The following METTL24 variants were observed in gnomAD, a reference collection of about 807,000 sequenced individuals.
METTL24 encodes the protein probable methyltransferase-like protein 24.
METTL24 carries 29 observed loss-of-function variants against 32.7 expected under a neutral mutation model. That is an observed-to-expected ratio of 0.89 (90% CI 0.66 to 1.21). The LOEUF (loss-of-function observed/expected upper bound fraction) is 1.21. Ranked by LOEUF, METTL24 falls within the 50% of genes most tolerant of loss-of-function variation. METTL24 has a pLI of 0.00. For synonymous variants in METTL24, 163 were observed against 179.5 expected (o/e 0.91, Z 0.73); for missense variants, 439 against 468.1 (o/e 0.94, Z 0.57).
At chr6:110,250,802 C>T (rs1351911587) in intron 4 of METTL24, among the ~76,000 whole-genome samples, 4 of 152,190 alleles carry the variant, frequency 2.6e-5, no homozygotes, top group Admixed American at 2.0e-4. Context: ...AAACCACCAT[C>T]GTGAAACCCC....
At chr6:110,248,123 G>A (rs769353745) in intron 4 of METTL24, among the ~76,000 whole-genome samples, 7 of 151,966 alleles carry the variant, frequency 4.6e-5, no homozygotes, top group African/African-American at 7.3e-5. Context: ...GCACCTCTTC[G>A]CCTTCCACCA....
Position 110,314,870 on chromosome 6 carries a change from G to T in METTL24, c.557+472C>A, listed in dbSNP as rs548158507. 2.6e-3 allele frequency among the ~76,000 whole-genome samples: 396 copies of T among 152,236 alleles called. 1 individual carries two copies. The highest frequency in any genetic ancestry group is 3.5e-3 in the Non-Finnish European group (240 of 68,006). The stretch of plus-strand genomic sequence containing the variant: ...TCCCAGCTACTTGGGAGGCTGTGGT[G>T]GGAAGATCACTGGAGCCTGAGAGGC... On this transcript the variant is annotated intron_variant, in intron 3 of 4. Coordinates refer to ENST00000338882, the MANE Select transcript of METTL24 (RefSeq NM_001123364.3).
intron 2 of METTL24, 143 bp downstream of exon 2, chr6:110,322,631 T>C (rs945313839): frequency 1.7e-6 from 1 of 588,002 alleles, no homozygotes; most frequent in Non-Finnish European, 3.0e-6. Context: ...AGTGGATGAG[T>C]TTAAGCAACA....
intron 3 of METTL24, among the ~76,000 whole-genome samples, chr6:110,303,909 A>T (rs1230537401): frequency 6.6e-6 from 1 of 152,166 alleles, no homozygotes. Flanking sequence ...CACCTCATAC[A>T]GGAGAGCTCC....
rs1772730695 is a variant in METTL24 at position 110,357,934 on chromosome 6, AC to A, written c.318+20del. ...GGGGGCTTCTGGTCCCAGGCCCAAG[AC>A]CGACCGCTTTGCAACTGACCTTCCG... On this transcript the variant is annotated intron_variant, in intron 1 of 4. Coordinates refer to ENST00000338882, the MANE Select transcript of METTL24 (RefSeq NM_001123364.3). The A allele has an allele frequency of 8.3e-7, 1 of 1,204,132 alleles. No individual in the cohort carries two copies. Among genetic ancestry groups the A allele is most frequent in the African/African-American group, 1.6e-5 (1 of 63,364 alleles). 74.6% of individuals were successfully genotyped at this position (1,204,132 alleles called of 1,614,324 possible).
intron 4 of METTL24, among the ~76,000 whole-genome samples, chr6:110,283,626 G>A (rs1771174077): frequency 1.3e-5 from 2 of 152,156 alleles, no homozygotes; most frequent in African/African-American, 4.8e-5. Context: ...GCTGAGACCA[G>A]CTTTCTCTAT....
intron 4 of METTL24, among the ~76,000 whole-genome samples, chr6:110,295,505 C>T (rs1771396841): frequency 6.6e-6 from 1 of 152,200 alleles, no homozygotes; most frequent in Non-Finnish European, 1.5e-5. Context: ...GACCAGAGGG[C>T]CCCAGCCCCA....
Position 110,315,493 on chromosome 6 carries a change from G to T in METTL24, c.418-12C>A. On this transcript the variant is annotated splice_polypyrimidine_tract_variant and intron_variant, in intron 2 of 4. Coordinates refer to ENST00000338882, the MANE Select transcript of METTL24 (RefSeq NM_001123364.3). ...TGATTGCATGCAATCTGTAAAGATT[G>T]GAAATCAATGTGAATAATTTGAAAT... The T allele has an allele frequency of 6.2e-7, 1 of 1,612,566 alleles. No individual in the cohort carries two copies. Among genetic ancestry groups the T allele is most frequent in the Non-Finnish European group, 8.5e-7 (1 of 1,179,340 alleles).
intron 1 of METTL24, among the ~76,000 whole-genome samples, chr6:110,344,530 T>TA (rs1772430073): frequency 6.6e-6 from 1 of 152,182 alleles, no homozygotes; most frequent in Non-Finnish European, 1.5e-5. Context: ...TTCTACAACT[T>TA]TTATTGATGA....
intron 4 of METTL24, among the ~76,000 whole-genome samples, chr6:110,264,364 T>C (rs1013868852): frequency 1.3e-5 from 2 of 151,960 alleles, no homozygotes; most frequent in African/African-American, 4.8e-5. Flanking sequence ...AAAAGACACA[T>C]GAAAAAATGC....
At position 110,315,484 on chromosome 6, in the gene METTL24, GT is replaced by G; in HGVS notation, c.418-4del. The G allele has an allele frequency of 4.3e-6, 7 of 1,613,354 alleles. No individual in the cohort carries two copies. Among genetic ancestry groups the G allele is most frequent in the African/African-American group, 2.7e-5 (2 of 75,016 alleles). Reference sequence around the variant, plus strand: ...GTATTCATGTGATTGCATGCAATCTGTAAAGATTGGAAATCAATGTGAATAA... The same window carrying G: ...GTATTCATGTGATTGCATGCAATCTGAAAGATTGGAAATCAATGTGAATAA... On this transcript the variant is annotated splice_region_variant and splice_polypyrimidine_tract_variant and intron_variant, in intron 2 of 4. Transcript: ENST00000338882.
intron 3 of METTL24, among the ~76,000 whole-genome samples, chr6:110,301,327 G>C (rs775252433): frequency 1.3e-5 from 2 of 152,178 alleles, no homozygotes; most frequent in Non-Finnish European, 2.9e-5. Context: ...TGGTGTGGCA[G>C]ATTGACTTGT....
At position 110,245,389 on chromosome 6, in the gene METTL24, C is replaced by T. The variant is rs1056555805; in HGVS notation, c.*557G>A. On this transcript the variant is annotated 3_prime_UTR_variant, in exon 5 of 5. Coordinates refer to ENST00000338882, the MANE Select transcript of METTL24 (RefSeq NM_001123364.3). ...TTTAACTCAGTGACAGAATTTGGTG[C>T]ATCCGAGTTCCCAGAAATCAGAAGT... is the stretch of plus-strand genomic sequence containing the variant. Among the ~76,000 whole-genome samples, 5 of 152,144 alleles carry T rather than the reference C, an allele frequency of 3.3e-5. No individual in the cohort carries two copies. Among genetic ancestry groups the T allele is most frequent in the African/African-American group, 1.2e-4 (5 of 41,432 alleles).
chr6:110,321,982 C>A (rs1001086631), intron 2 of METTL24, among the ~76,000 whole-genome samples: 5 of 152,184 alleles, frequency 3.3e-5, no homozygotes, highest in Non-Finnish European at 7.3e-5. Flanking sequence ...GGCCTCTGTG[C>A]AGCTCACAGG....
intron 1 of METTL24, among the ~76,000 whole-genome samples, chr6:110,341,924 C>T (rs946393872): frequency 1.2e-4 from 18 of 152,264 alleles, no homozygotes; most frequent in East Asian, 5.8e-4. Context: ...CCCTTTTTAA[C>T]GCAAAAGCCC....
At chr6:110,349,514 C>T (rs955045517) in intron 1 of METTL24, among the ~76,000 whole-genome samples, 2 of 152,182 alleles carry the variant, frequency 1.3e-5, no homozygotes, top group Non-Finnish European at 1.5e-5. Flanking sequence ...TTTGTGACCA[C>T]AGCATAAACT....
rs147333444 is a variant in METTL24, at chr6:110,273,096, A to T, written c.786+25826T>A. On this transcript the variant is annotated intron_variant, in intron 4 of 4. Transcript: ENST00000338882. The stretch of plus-strand genomic sequence containing the variant: ...TATCCTCTAGAATTTTTATGGTTTC[A>T]GGTCTGAGATTTAAGTCTTTGATCT... 3.8e-3 allele frequency among the ~76,000 whole-genome samples: 576 copies of T among 152,188 alleles called. 4 individuals are homozygous for T. The highest frequency in any genetic ancestry group is 0.013 in the African/African-American group (545 of 41,512).
chr6:110,315,629 C>T (rs536488113), intron 2 of METTL24, 148 bp from the exon 3 acceptor site: 10 of 749,384 alleles, frequency 1.3e-5, no homozygotes, highest in African/African-American at 3.5e-5. Context: ...CAGGGAACCA[C>T]AAGACTGCTA....
chr6:110,321,990 A>C (rs937034098), intron 2 of METTL24, among the ~76,000 whole-genome samples: 1 of 152,134 alleles, frequency 6.6e-6, no homozygotes, highest in African/African-American at 2.4e-5. Context: ...TGCAGCTCAC[A>C]GGCAGTCTGA....
Sources: gnomAD v4.1 joint callset for allele counts (sites outside exome capture counted in the v4.1 genomes callset) on GRCh38, gnomAD v4.1.1 for gene constraint, MANE v1.5 for transcripts, NCBI Gene and HGNC (gene_info 2026-07-23, HGNC 2026-07-21) for gene names.